ERGIC1: variants seen among roughly 807,000 people sequenced by gnomAD.
ERGIC1 encodes the protein endoplasmic reticulum-Golgi intermediate compartment protein 1.
In ERGIC1, 19 loss-of-function variants were observed where a neutral mutation model predicts 38.3. The observed-to-expected ratio is 0.50, with a 90% CI of 0.35 to 0.73. The LOEUF is 0.73. Among genes scored for constraint, ERGIC1 ranks in the 30% least tolerant of loss-of-function variants. The pLI is 0.01. For missense variants in ERGIC1, 294 were observed against 389.2 expected, an observed-to-expected ratio of 0.76 and a Z score of 2.06; for synonymous variants, 124 against 157.6, an observed-to-expected ratio of 0.79 and a Z score of 1.60.
At chr5:172,916,176 G>C (rs1318834119) in intron 5 of ERGIC1, 1 of 152,540 alleles carries the variant, frequency 6.6e-6, no homozygotes, top group Admixed American at 6.5e-5. Context: ...ACAGTTCAGG[G>C]CTCCCTTAAG....
At chr5:172,917,690 C>A (rs190276575) in intron 5 of ERGIC1, 1 of 152,246 alleles carries the variant, frequency 6.6e-6, no homozygotes, top group Admixed American at 6.5e-5. Flanking sequence ...AAATTGACAT[C>A]TTTATTTTTG....
At chr5:172,908,253 GGC>G in intron 3 of ERGIC1, among the ~76,000 whole-genome samples, 1 of 136,208 alleles carries the variant, frequency 7.3e-6, no homozygotes, top group East Asian at 2.4e-4. Context: ...GTGGAGGCCA[GGC>G]ACAGTGGCTC....
At chr5:172,905,492 A>G (rs759829065) in intron 3 of ERGIC1, 15 of 460,694 alleles carry the variant, frequency 3.3e-5, no homozygotes, top group South Asian at 1.1e-4. Context: ...TTACAGCTCT[A>G]TTGGAAGCCG....
rs773302532 is a variant in ERGIC1, at chr5:172,932,432, G to A, written c.542-4G>A. On this transcript the variant is annotated splice_polypyrimidine_tract_variant and splice_region_variant and intron_variant, in intron 7 of 9. Transcript: ENST00000393784. ...TGCTTCATTCTGCTGTGTCCTTCCCGCAGCCCTGGCCTCCCACGACTACAT... is the reference window on the plus strand; with the variant it reads ...TGCTTCATTCTGCTGTGTCCTTCCCACAGCCCTGGCCTCCCACGACTACAT... 46 of 1,613,834 alleles carry A rather than the reference G, an allele frequency of 2.9e-5. No homozygotes were observed. Among genetic ancestry groups the A allele is most frequent in the Middle Eastern group, 1.6e-4 (1 of 6,084 alleles).
At chr5:172,900,082 G>A (rs575782024) in intron 3 of ERGIC1, among the ~76,000 whole-genome samples, 7 of 152,312 alleles carry the variant, frequency 4.6e-5, no homozygotes, top group South Asian at 2.1e-4. Context: ...TGCTGACAGC[G>A]TGTGGGGTGG....
chr5:172,899,736 G>A (rs1282529750), intron 3 of ERGIC1, among the ~76,000 whole-genome samples: 3 of 152,170 alleles, frequency 2.0e-5, no homozygotes, highest in African/African-American at 7.2e-5. Context: ...CAGTCAACAA[G>A]CAAACAAAAC....
At position 172,852,729 on chromosome 5, in the gene ERGIC1, G is replaced by A. The variant is rs36047096; in HGVS notation, c.20+18296G>A. Reference sequence around the variant, plus strand: ...GCCAACAACTTACCGTGTCATCAGCGGGGATGGTAATGGTACCTTCCTCCT... The same window carrying A: ...GCCAACAACTTACCGTGTCATCAGCAGGGATGGTAATGGTACCTTCCTCCT... On this transcript the variant is annotated intron_variant, in intron 1 of 9. Coordinates refer to ENST00000393784, the MANE Select transcript of ERGIC1 (RefSeq NM_001031711.3). Among the ~76,000 whole-genome samples, 225 of 152,338 alleles carry A rather than the reference G, an allele frequency of 1.5e-3. 1 individual carries two copies. Among genetic ancestry groups the A allele is most frequent in the African/African-American group, 5.0e-3 (209 of 41,580 alleles).
chr5:172,943,806 G>A (rs1195280323), intron 9 of ERGIC1, among the ~76,000 whole-genome samples: 2 of 152,240 alleles, frequency 1.3e-5, no homozygotes. Context: ...GGGGAGGGGA[G>A]TAATGATGCA....
intron 8 of ERGIC1, chr5:172,934,951 A>G: frequency 1.8e-6 from 1 of 546,164 alleles, no homozygotes; most frequent in African/African-American, 1.9e-5. Context: ...TGCTGCTTGC[A>G]GCTCACTTGG....
intron 6 of ERGIC1, among the ~76,000 whole-genome samples, chr5:172,924,901 C>T (rs1235190003): frequency 2.0e-5 from 3 of 152,168 alleles, no homozygotes; most frequent in Admixed American, 6.5e-5. Flanking sequence ...GGTCCCTGCC[C>T]ACCTGGAGCT....
At chr5:172,884,244 GTT>G (rs71579704) in intron 1 of ERGIC1, among the ~76,000 whole-genome samples, 12 of 90,612 alleles carry the variant, frequency 1.3e-4, no homozygotes, top group African/African-American at 2.5e-4. Flanking sequence ...GGAACCCCAA[GTT>G]TTTTTTTTTT....
chr5:172,920,194 C>CCCCCA (rs1561736555), intron 5 of ERGIC1, among the ~76,000 whole-genome samples: 1 of 152,132 alleles, frequency 6.6e-6, no homozygotes, highest in African/African-American at 2.4e-5. Flanking sequence ...TAGAGACCGT[C>CCCCCA]CCCCACCCCA....
chr5:172,853,874 G>A (rs964568641), intron 1 of ERGIC1, among the ~76,000 whole-genome samples: 3 of 152,182 alleles, frequency 2.0e-5, no homozygotes, highest in South Asian at 2.1e-4. Context: ...TGATCAGTTC[G>A]TTTATCTCAC....
intron 7 of ERGIC1, among the ~76,000 whole-genome samples, chr5:172,928,085 C>T (rs1379399724): frequency 2.0e-5 from 3 of 152,036 alleles, no homozygotes; most frequent in Non-Finnish European, 2.9e-5. Flanking sequence ...TGGTCATTGT[C>T]GTTTTGTGTC....
chr5:172,923,780 G>A (rs981473855), intron 5 of ERGIC1, among the ~76,000 whole-genome samples: 1 of 152,192 alleles, frequency 6.6e-6, no homozygotes, highest in Non-Finnish European at 1.5e-5. Flanking sequence ...GATAGTCCTG[G>A]CAGCCCCCTC....
intron 1 of ERGIC1, among the ~76,000 whole-genome samples, chr5:172,872,734 G>C (rs1309958485): frequency 2.6e-5 from 4 of 152,136 alleles, no homozygotes; most frequent in Non-Finnish European, 4.4e-5. Flanking sequence ...AGAATTGCTT[G>C]AGCCCGGGAT....
intron 1 of ERGIC1, among the ~76,000 whole-genome samples, chr5:172,842,589 TTCC>T (rs1312073256): frequency 6.6e-6 from 1 of 152,184 alleles, no homozygotes; most frequent in Non-Finnish European, 1.5e-5. Flanking sequence ...TTGAGAAATC[TTCC>T]TCCTGTTTTC....
intron 1 of ERGIC1, among the ~76,000 whole-genome samples, chr5:172,886,517 C>A (rs967169318): frequency 6.6e-6 from 1 of 152,178 alleles, no homozygotes; most frequent in Admixed American, 6.5e-5. Context: ...ACTCACTGGG[C>A]CAAGGGTTGA....
intron 1 of ERGIC1, among the ~76,000 whole-genome samples, chr5:172,856,564 G>A (rs1761554575): frequency 6.6e-6 from 1 of 152,154 alleles, no homozygotes; most frequent in Admixed American, 6.5e-5. Flanking sequence ...GTGAGATGGG[G>A]CTGCCTGTGC....
Sources: allele counts gnomAD v4.1 joint callset (sites outside exome capture counted in the v4.1 genomes callset), GRCh38; gene constraint gnomAD v4.1.1; transcripts MANE v1.5; gene names NCBI Gene and HGNC (gene_info 2026-07-23, HGNC 2026-07-21).